Variants in SRL observed in about 807,000 individuals in gnomAD.
SRL encodes the protein sarcalumenin.
SRL carries 23 observed loss-of-function variants against 39.5 expected under a neutral mutation model. The ratio of observed to expected loss-of-function variants is 0.58; its 90% CI spans 0.42 to 0.82. SRL has a LOEUF of 0.82. SRL is among the 40% of genes least tolerant of loss of function. The pLI is 0.00. For synonymous variants in SRL, 272 were observed against 237.4 expected, an observed-to-expected ratio of 1.15 and a Z score of -1.34; for missense variants, 592 against 607.8, an observed-to-expected ratio of 0.97 and a Z score of 0.27.
At position 4,192,332 on chromosome 16, in the gene SRL, G is replaced by T. The variant is rs575762035; in HGVS notation, c.1243C>A (p.Leu415Met). The change falls in exon 6 of 6, where the codon CTG becomes ATG. Residue 415 changes from leucine (L) to methionine (M), a missense_variant. Coordinates refer to ENST00000399609, the MANE Select transcript of SRL (RefSeq NM_001098814.2). This position sits in a 1 kb window ranked among gnomAD's most constrained non-coding sequence, Gnocchi z 4.0. ...ATGTAGGAGCACTGCTGGGAGAGCAGTTTGAAACTGGAAATGGGATTGATG... is the reference window on the plus strand; with the variant it reads ...ATGTAGGAGCACTGCTGGGAGAGCATTTTGAAACTGGAAATGGGATTGATG... ...FGINPISSFK[L>M]LSQQCSYMGG... 547 of 1,614,224 alleles carry T rather than the reference G, an allele frequency of 3.4e-4. 7 individuals carry two copies. In the South Asian group the frequency reaches 5.6e-3, roughly 16 times the overall value.
chr16:4,228,525 G>T (rs28366916), intron 1 of SRL, among the ~76,000 whole-genome samples: 3,114 of 152,128 alleles, frequency 0.02, 104 homozygotes, highest in African/African-American at 0.068. Flanking sequence ...CACTAGGTCA[G>T]GAGATCGAGA....
intron 1 of SRL, among the ~76,000 whole-genome samples, chr16:4,231,363 T>C (rs2052658375): frequency 6.6e-6 from 1 of 152,128 alleles, no homozygotes; most frequent in Non-Finnish European, 1.5e-5. Flanking sequence ...TGTGGCAAGT[T>C]GTTACCGTGG....
At chr16:4,207,060 C>CTCCCTGG (rs1482956772) in intron 1 of SRL, 2 of 452,556 alleles carry the variant, frequency 4.4e-6, no homozygotes, top group Non-Finnish European at 8.9e-6. Flanking sequence ...CAGATCCCCG[C>CTCCCTGG]CTTCCTGGGG....
intron 1 of SRL, among the ~76,000 whole-genome samples, chr16:4,221,315 A>G (rs2052528002): frequency 6.6e-6 from 1 of 152,110 alleles, no homozygotes; most frequent in Non-Finnish European, 1.5e-5. Flanking sequence ...CCAAAGTGCT[A>G]GGATTACAGA....
At position 4,190,156 on chromosome 16, in the gene SRL, A is replaced by G. The variant is rs2052044011; in HGVS notation, c.*1997T>C. ...GTGGAAGGGTCCAGGCCCTCCACAA[A>G]GCCAAACGCAACGGCCCCTGTGACA... On this transcript the variant is annotated 3_prime_UTR_variant, in exon 6 of 6. Transcript: ENST00000399609. 2.5e-6 allele frequency: 1 copy of G among 397,764 alleles called. No individual in the cohort carries two copies. The highest frequency in any genetic ancestry group is 4.4e-6 in the Non-Finnish European group (1 of 226,050). 24.6% of individuals were successfully genotyped at this position (397,764 alleles called of 1,614,324 possible).
chr16:4,207,557 T>A (rs1032957965), intron 1 of SRL: 4 of 454,872 alleles, frequency 8.8e-6, no homozygotes, highest in Middle Eastern at 3.2e-4. Flanking sequence ...CCTTTGGCTC[T>A]GCTGTCCCTG....
rs1475754636 is a variant in SRL at position 4,190,599 on chromosome 16, C to T, written c.*1554G>A. The T allele has an allele frequency of 1.5e-5, 6 of 397,680 alleles. No homozygotes were observed. Among genetic ancestry groups the T allele is most frequent in the Non-Finnish European group, 2.2e-5 (5 of 226,026 alleles). The allele number at this position is 397,680 out of a possible 1,614,324, so 24.6% of individuals were successfully genotyped here. A position where few individuals can be genotyped will look rare whatever the true frequency, so the allele number is the denominator to read the frequency against. On this transcript the variant is annotated 3_prime_UTR_variant, in exon 6 of 6. Coordinates refer to ENST00000399609, the MANE Select transcript of SRL (RefSeq NM_001098814.2). ...TAGCCTTGCAAGACTGTTACAAGTTCTCTACTCCCTAGAGTCTATGTGATC... is the reference window on the plus strand; with the variant it reads ...TAGCCTTGCAAGACTGTTACAAGTTTTCTACTCCCTAGAGTCTATGTGATC...
intron 1 of SRL, among the ~76,000 whole-genome samples, chr16:4,210,132 C>T (rs527459794): frequency 2.6e-5 from 4 of 152,336 alleles, no homozygotes; most frequent in African/African-American, 4.8e-5. Context: ...GGTACCAAAA[C>T]GAATTCCTGG....
intron 3 of SRL, 141 bp from the exon 4 acceptor site, chr16:4,198,056 T>G: frequency 1.5e-6 from 1 of 651,188 alleles, no homozygotes; most frequent in Non-Finnish European, 2.8e-6. Flanking sequence ...TAGCCCCCAG[T>G]GGCGCTTCTC....
chr16:4,208,898 G>A (rs867017685), intron 1 of SRL, among the ~76,000 whole-genome samples: 2 of 152,272 alleles, frequency 1.3e-5, no homozygotes, highest in African/African-American at 4.8e-5. Context: ...GAGAGCAGAG[G>A]GCCCAGGAAG....
At chr16:4,231,611 C>T (rs374443275) in intron 1 of SRL, among the ~76,000 whole-genome samples, 8 of 152,158 alleles carry the variant, frequency 5.3e-5, no homozygotes, top group South Asian at 2.1e-4. Flanking sequence ...CTGCTGATTA[C>T]GTCTACCTTA....
At chr16:4,228,007 G>A (rs892843148) in intron 1 of SRL, among the ~76,000 whole-genome samples, 3 of 152,228 alleles carry the variant, frequency 2.0e-5, no homozygotes, top group African/African-American at 4.8e-5. Context: ...CACTGCAGGA[G>A]CCCAGCCAGG....
intron 1 of SRL, among the ~76,000 whole-genome samples, chr16:4,232,624 C>T (rs2052672083): frequency 6.6e-6 from 1 of 152,140 alleles, no homozygotes; most frequent in East Asian, 1.9e-4. Context: ...GATCCACCTG[C>T]TCCAGCCTCC....
In SRL at chr16:4,229,649, G is replaced by A. The variant is rs117412365; in HGVS notation, c.61+12358C>T. On this transcript the variant is annotated intron_variant, in intron 1 of 5. Coordinates refer to ENST00000399609, the MANE Select transcript of SRL (RefSeq NM_001098814.2). ...TACTAGATGGGGGAGTGAGAAAGAG[G>A]ACAAGTGTTGACAAACTACCTATTG... Among the ~76,000 whole-genome samples, 28 of 151,914 alleles carry A rather than the reference G, an allele frequency of 1.8e-4. No individual in the cohort carries two copies. In the East Asian group the frequency reaches 4.6e-3, roughly 25 times the overall value.
chr16:4,204,478 G>A (rs4644864), intron 2 of SRL, 55 bp downstream of exon 2: 343,377 of 1,381,688 alleles, frequency 0.25, 41,064 homozygotes, highest in East Asian at 0.32. Context: ...GAGTCTGCCC[G>A]GGCCCTGGTG....
At chr16:4,210,067 C>A (rs139271934) in intron 1 of SRL, among the ~76,000 whole-genome samples, 14 of 152,352 alleles carry the variant, frequency 9.2e-5, no homozygotes, top group Non-Finnish European at 1.6e-4. Flanking sequence ...TTCCCAGGGC[C>A]TGGCACCCTG....
chr16:4,195,606 A>G lies in SRL; in HGVS notation c.557T>C (p.Val186Ala), dbSNP rs200112184. The change falls in exon 5 of 6, where the codon GTC (valine) becomes GCC (alanine). Residue 186 changes from valine (V) to alanine (A), a missense_variant. Val to Ala is a moderately conservative substitution (Grantham distance 64, BLOSUM62 0). Coordinates refer to ENST00000399609, the MANE Select transcript of SRL (RefSeq NM_001098814.2). Reference sequence around the variant, plus strand: ...GATGCCTGGTGTATCCACAAAAGTGACCCTCTCCAGAAGTTTGTGGGGAAC... The same window carrying G: ...GATGCCTGGTGTATCCACAAAAGTGGCCCTCTCCAGAAGTTTGTGGGGAAC... Reference protein sequence around the residue: ...IEVPHKLLERVTFVDTPGIIE... With the variant: ...IEVPHKLLERATFVDTPGIIE... The G allele has an allele frequency of 1.1e-5, 18 of 1,614,118 alleles. No homozygotes were observed. In the East Asian group the frequency reaches 3.1e-4, roughly 28 times the overall value.
chr16:4,236,881 G>A (rs1347293182), intron 1 of SRL, among the ~76,000 whole-genome samples: 4 of 151,660 alleles, frequency 2.6e-5, no homozygotes, highest in African/African-American at 9.7e-5. Context: ...CTGACCTCGT[G>A]ATCTGCCCTC....
At position 4,190,524 on chromosome 16, in the gene SRL, G is replaced by A; in HGVS notation, c.*1629C>T. On this transcript the variant is annotated 3_prime_UTR_variant, in exon 6 of 6. Coordinates refer to ENST00000399609, the MANE Select transcript of SRL (RefSeq NM_001098814.2). ...ACCATCCAAAGGCTGCTTCTTCCCT[G>A]CAGGTCCTGCCCCTCTGCTCCCCAC... is the stretch of plus-strand genomic sequence containing the variant. The A allele has an allele frequency of 2.5e-6, 1 of 398,904 alleles. No homozygotes were observed. Among genetic ancestry groups the A allele is most frequent in the Admixed American group, 4.4e-5 (1 of 22,732 alleles). The allele number at this position is 398,904 out of a possible 1,614,324, so 24.7% of individuals were successfully genotyped here.
Sources: allele counts gnomAD v4.1 joint callset (sites outside exome capture counted in the v4.1 genomes callset), GRCh38; gene constraint gnomAD v4.1.1; non-coding constraint Gnocchi (gnomAD v3.1); transcripts MANE v1.5; gene names NCBI Gene and HGNC (gene_info 2026-07-23, HGNC 2026-07-21).